MBP: variants seen among roughly 807,000 people sequenced by gnomAD.
The protein encoded by MBP is Golli-MBP.
A neutral mutation model predicts 35.8 loss-of-function variants in MBP; 16 were observed. That is an observed-to-expected ratio of 0.45 (90% CI 0.30 to 0.68). The LOEUF (loss-of-function observed/expected upper bound fraction) is 0.68. Ranked by LOEUF, MBP falls within the 30% of genes least tolerant of loss-of-function variation. The pLI, the probability that MBP is intolerant of heterozygous loss-of-function variation, is 0.08. For synonymous variants in MBP, 143 were observed against 159.6 expected, an observed-to-expected ratio of 0.90 and a Z score of 0.78; for missense variants, 380 against 404.7, an observed-to-expected ratio of 0.94 and a Z score of 0.52.
intron 3 of MBP, among the ~76,000 whole-genome samples, chr18:77,027,600 A>C (rs8097277): frequency 0.69 from 105,181 of 151,684 alleles, 36,803 homozygotes; most frequent in East Asian, 0.8. Context: ...GGCCACAGAC[A>C]ACTAAAAACT....
chr18:77,030,940 C>T (rs990243404), intron 3 of MBP, among the ~76,000 whole-genome samples: 4 of 152,168 alleles, frequency 2.6e-5, no homozygotes, highest in Admixed American at 6.5e-5. Flanking sequence ...TCAAGTCCTT[C>T]GGGGGCAACC....
chr18:77,093,813 C>T (rs965589808), intron 2 of MBP, among the ~76,000 whole-genome samples: 4 of 152,314 alleles, frequency 2.6e-5, no homozygotes, highest in South Asian at 2.1e-4. Context: ...AGCACGCTCA[C>T]GCCTTAGGGG....
intron 4 of MBP, 100 bp from the exon 5 acceptor site, chr18:76,990,160 T>TC: frequency 2.9e-6 from 2 of 698,484 alleles, no homozygotes; most frequent in Non-Finnish European, 4.9e-6. Flanking sequence ...AATCTGGATT[T>TC]TTTTTTTTTT....
chr18:77,091,650 ACACACATG>A (rs1409232066), intron 2 of MBP, among the ~76,000 whole-genome samples: 2 of 151,524 alleles, frequency 1.3e-5, no homozygotes, highest in Admixed American at 1.3e-4. Flanking sequence ...CACACCACAA[ACACACATG>A]CACACATGCG....
chr18:77,078,055 T>A (rs1405686813), intron 2 of MBP, among the ~76,000 whole-genome samples: 2 of 152,100 alleles, frequency 1.3e-5, no homozygotes, highest in African/African-American at 4.8e-5. Flanking sequence ...GGCCTCCTTA[T>A]CTCCCAGCCC....
intron 3 of MBP, among the ~76,000 whole-genome samples, chr18:77,022,637 T>C (rs1972038197): frequency 6.6e-6 from 1 of 152,248 alleles, no homozygotes; most frequent in Admixed American, 6.5e-5. Flanking sequence ...TAATATAAAT[T>C]AATGCAAATG....
In MBP at chr18:76,984,290, C is replaced by T. The variant is rs368900070; in HGVS notation, c.870+485G>A. On this transcript the variant is annotated intron_variant, in intron 8 of 8. Transcript: ENST00000355994. ...AAGTCTCAGAGACAGAGCTTATAAA[C>T]AGCGGGCCTGGCATTCGTCCTGGGT... The T allele has an allele frequency of 1.6e-4, 26 of 162,002 alleles. No individual in the cohort carries two copies. In the East Asian group the frequency reaches 4.0e-3, roughly 25 times the overall value. 10.0% of individuals were successfully genotyped at this position (162,002 alleles called of 1,614,324 possible).
At chr18:77,031,088 C>G (rs1972524924) in intron 3 of MBP, among the ~76,000 whole-genome samples, 1 of 152,026 alleles carries the variant, frequency 6.6e-6, no homozygotes, top group South Asian at 2.1e-4. Flanking sequence ...AAAAAAAAAT[C>G]CTATTTTCAG....
chr18:77,046,276 C>T (rs541060801), intron 3 of MBP, among the ~76,000 whole-genome samples: 1 of 152,206 alleles, frequency 6.6e-6, no homozygotes, highest in Non-Finnish European at 1.5e-5. Context: ...CATTCTCAGG[C>T]ACGGAAGCTT....
intron 4 of MBP, among the ~76,000 whole-genome samples, chr18:76,996,201 A>G (rs1970260230): frequency 6.6e-6 from 1 of 152,206 alleles, no homozygotes; most frequent in African/African-American, 2.4e-5. Context: ...CTGGGAACGC[A>G]AACTGTCACT....
At chr18:76,993,117 C>T (rs1970044217) in intron 4 of MBP, among the ~76,000 whole-genome samples, 1 of 152,248 alleles carries the variant, frequency 6.6e-6, no homozygotes, top group Non-Finnish European at 1.5e-5. Context: ...CCATGAGCTG[C>T]TTGTCCTTCT....
rs1212260238 is a variant in MBP at position 77,016,863 on chromosome 18, T to A, written c.545A>T (p.Asp182Val). 3 of 1,614,114 alleles carry A rather than the reference T, an allele frequency of 1.9e-6. No individual in the cohort carries two copies. The highest frequency in any genetic ancestry group is 2.5e-6 in the Non-Finnish European group (3 of 1,180,054). Residue 182 changes from aspartate to valine, a missense_variant, in exon 4 of 9, where the codon GAC becomes GTC. Physicochemically the swap from Asp to Val is radical, Grantham distance 152 (BLOSUM62 -3). Transcript: ENST00000355994. ...LDSIGRFFGG[D>V]RGAPKRGSGK... Reference sequence around the variant, plus strand: ...AGAGCCCCGCTTGGGCGCACCCCTGTCACCGCCAAAGAAGCGCCCGATGGA... The same window carrying A: ...AGAGCCCCGCTTGGGCGCACCCCTGACACCGCCAAAGAAGCGCCCGATGGA...
intron 3 of MBP, among the ~76,000 whole-genome samples, chr18:77,043,665 T>C (rs1192989495): frequency 1.3e-5 from 2 of 152,316 alleles, no homozygotes; most frequent in East Asian, 1.9e-4. Context: ...AATGGCTTCA[T>C]TTGGGATAAA....
chr18:76,991,222 A>G (rs1295167161), intron 4 of MBP, among the ~76,000 whole-genome samples: 2 of 152,142 alleles, frequency 1.3e-5, no homozygotes, highest in African/African-American at 4.8e-5. Flanking sequence ...AGTAAGAGGA[A>G]GCGGAGAGGG....
chr18:77,037,112 G>T (rs1229294361), intron 3 of MBP, among the ~76,000 whole-genome samples: 1 of 149,130 alleles, frequency 6.7e-6, no homozygotes, highest in Non-Finnish European at 1.5e-5. Context: ...CTGAGCAAGT[G>T]CTGGTCACAT....
chr18:77,014,951 AGT>A (rs1456649140), intron 4 of MBP: 2 of 984,314 alleles, frequency 2.0e-6, no homozygotes, highest in East Asian at 2.3e-4. Flanking sequence ...AATTTTTGAA[AGT>A]GTTTTGATTT....
intron 3 of MBP, among the ~76,000 whole-genome samples, chr18:77,051,838 A>T (rs1973501129): frequency 6.6e-6 from 1 of 152,184 alleles, no homozygotes; most frequent in South Asian, 2.1e-4. Context: ...TGCATGTAAC[A>T]GTGGGCTTAA....
chr18:77,037,862 C>T (rs1180804075), intron 3 of MBP, among the ~76,000 whole-genome samples: 1 of 152,182 alleles, frequency 6.6e-6, no homozygotes, highest in South Asian at 2.1e-4. Context: ...GAACAGGCCT[C>T]CCGAGGTCTG....
chr18:76,984,730 A>T, intron 8 of MBP, 45 bp downstream of exon 8: 1 of 1,613,016 alleles, frequency 6.2e-7, no homozygotes, highest in Non-Finnish European at 8.5e-7. Context: ...GGATTCTGGG[A>T]GCCCTTAGTC....
Sources: allele counts gnomAD v4.1 joint callset (sites outside exome capture counted in the v4.1 genomes callset), GRCh38; gene constraint gnomAD v4.1.1; transcripts MANE v1.5; gene names NCBI Gene and HGNC (gene_info 2026-07-23, HGNC 2026-07-21).